Variants in OSBPL5 observed in about 807,000 individuals in gnomAD.
OSBPL5 encodes the protein oxysterol binding protein like 5, also known as oxysterol-binding protein-related protein 5.
Under a neutral mutation model 111.2 loss-of-function variants are expected in OSBPL5, and 71 were observed. The observed-to-expected ratio is 0.64, with a 90% CI of 0.53 to 0.78. OSBPL5 has a LOEUF of 0.78. Among genes scored for constraint, OSBPL5 ranks in the 30% least tolerant of loss-of-function variants. The probability of loss-of-function intolerance (pLI) is 0.00; values close to 1 mark genes in which losing one functional copy is unlikely to be tolerated. For missense variants in OSBPL5, 1,210 were observed against 1,189.3 expected (o/e 1.02, Z -0.26); for synonymous variants, 549 against 513.9 (o/e 1.07, Z -0.93).
At position 3,119,632 on chromosome 11, in the gene OSBPL5, C is replaced by G. The variant is rs767106638; in HGVS notation, c.607-1G>C. The G allele has an allele frequency of 1.3e-6, 2 of 1,578,688 alleles. No homozygotes were observed. Among genetic ancestry groups the G allele is most frequent in the African/African-American group, 2.8e-5 (2 of 71,908 alleles). ...AGCCCACGCTCTCACCTTTGGGGCC[C>G]TGGAGAGAGAGAGATCTGGGTGTCA... On this transcript the variant is annotated splice_acceptor_variant, in intron 6 of 21. Transcript: ENST00000263650. LOFTEE classifies it high-confidence loss of function.
At position 3,140,710 on chromosome 11, in the gene OSBPL5, G is replaced by A. The variant is rs1846082513; in HGVS notation, c.-21-11541C>T. Among the ~76,000 whole-genome samples, 1 of 152,172 alleles carries A rather than the reference G, an allele frequency of 6.6e-6. No individual in the cohort carries two copies. The highest frequency in any genetic ancestry group is 2.4e-5 in the African/African-American group (1 of 41,434). On this transcript the variant is annotated intron_variant, in intron 1 of 21. Transcript: ENST00000263650. This position sits in a 1 kb window ranked among gnomAD's most constrained non-coding sequence, Gnocchi z 4.5. ...TAGGAGCCTTGTTTCCAAGACCAGA[G>A]AGGTCATAAGGTCACCTGCTGCCCA...
rs1339304273 is a variant in OSBPL5 at position 3,162,214 on chromosome 11, T to C, written c.-22+3002A>G. The stretch of plus-strand genomic sequence containing the variant: ...GCCTACTAGGTAGCTGATGTGGAGC[T>C]CCAGGCAAGAGCTGGTAGGGCCAGG... On this transcript the variant is annotated intron_variant, in intron 1 of 21. Transcript: ENST00000263650. The surrounding 1 kb of genome is among the most constrained non-coding windows in gnomAD (Gnocchi z 8.1). 6.6e-6 allele frequency among the ~76,000 whole-genome samples: 1 copy of C among 151,796 alleles called. No individual in the cohort carries two copies. Among genetic ancestry groups the C allele is most frequent in the African/African-American group, 2.4e-5 (1 of 41,282 alleles).
At chr11:3,093,077 G>C (rs12362578) in intron 17 of OSBPL5, 25 bp from the exon 18 acceptor site, 196,124 of 1,523,250 alleles carry the variant, frequency 0.13, 13,638 homozygotes, top group Non-Finnish European at 0.15. Context: ...CCCATCCTGA[G>C]CCAGTGGCCC....
In OSBPL5 at chr11:3,094,217, C is replaced by T; in HGVS notation, c.1719+20G>A. 1.2e-6 allele frequency: 2 copies of T among 1,610,416 alleles called. No individual in the cohort carries two copies. The highest frequency in any genetic ancestry group is 1.7e-6 in the Non-Finnish European group (2 of 1,178,062). On this transcript the variant is annotated intron_variant, in intron 15 of 21. Transcript: ENST00000263650. ...GTTCCTTCCCTGGCCTCGTCTCCCC[C>T]AGGCTGCAGCCAGCGCTACCTTGAG...
chr11:3,113,344 A>G lies in OSBPL5; in HGVS notation c.692-5399T>C, dbSNP rs1858077324. ...AATTTGGCATAGGAGTTACGAAACT[A>G]TAAACCCAGCCCAAGACAGAATGAT... On this transcript the variant is annotated intron_variant, in intron 7 of 21. Transcript: ENST00000263650. This position sits in a 1 kb window ranked among gnomAD's most constrained non-coding sequence, Gnocchi z 4.8. Among the ~76,000 whole-genome samples the G allele has an allele frequency of 6.6e-6, 1 of 152,224 alleles. No homozygotes were observed.
At chr11:3,128,792 C>A (rs886742720) in intron 2 of OSBPL5, among the ~76,000 whole-genome samples, 1 of 152,004 alleles carries the variant, frequency 6.6e-6, no homozygotes, top group Non-Finnish European at 1.5e-5. Flanking sequence ...GTGGGAACCC[C>A]CTCCTCAACC....
chr11:3,088,237 A>G lies in OSBPL5; in HGVS notation c.2608T>C (p.Cys870Arg). ...SWFLLCVFLA[C>R]QLFINHILK ...AGGATGTGGTTAATGAACAGCTGAC[A>G]CGCCAGGAACACGCAGAGCAGGAAC... The change falls in exon 22 of 22, where the codon TGT (cysteine) becomes CGT (arginine). Residue 870 changes from cysteine (C) to arginine (R), a missense_variant. Cys to Arg is a radical substitution (Grantham distance 180, BLOSUM62 -3). Transcript: ENST00000263650. The G allele has an allele frequency of 6.2e-7, 1 of 1,604,414 alleles. No homozygotes were observed. Among genetic ancestry groups the G allele is most frequent in the Non-Finnish European group, 8.5e-7 (1 of 1,175,248 alleles).
chr11:3,103,158 C>T, intron 11 of OSBPL5, 81 bp downstream of exon 11: 1 of 1,306,368 alleles, frequency 7.7e-7, no homozygotes. Flanking sequence ...CCCGGGGACT[C>T]AGGGAAGTGC....
chr11:3,122,416 G>T lies in OSBPL5; in HGVS notation c.232C>A (p.Leu78Met). 1.2e-6 allele frequency: 2 copies of T among 1,613,808 alleles called. No homozygotes were observed. The highest frequency in any genetic ancestry group is 1.7e-6 in the Non-Finnish European group (2 of 1,179,940). The part of the protein sequence containing the change: ...ATKVPPAEYR[L>M]CNGSDKECVS... ...CATTCCTTGTCTGACCCGTTGCACAGCCTGTACTCTGCCTGAAAGAGAGAG... is the reference window on the plus strand; with the variant it reads ...CATTCCTTGTCTGACCCGTTGCACATCCTGTACTCTGCCTGAAAGAGAGAG... Residue 78 changes from leucine (L) to methionine (M), a missense_variant, in exon 4 of 22, where the codon CTG becomes ATG. Leu to Met is a conservative substitution (Grantham distance 15). Coordinates refer to ENST00000263650, the MANE Select transcript of OSBPL5 (RefSeq NM_020896.4).
At chr11:3,137,230 C>A (rs1481575628) in intron 1 of OSBPL5, among the ~76,000 whole-genome samples, 2 of 152,244 alleles carry the variant, frequency 1.3e-5, no homozygotes, top group Non-Finnish European at 2.9e-5. Context: ...GCATAAGAGA[C>A]CAGGCTGCTG....
chr11:3,089,242 C>A (rs11825366), intron 21 of OSBPL5, among the ~76,000 whole-genome samples: 7 of 152,350 alleles, frequency 4.6e-5, no homozygotes, highest in African/African-American at 1.7e-4. Flanking sequence ...TGCTATCAAG[C>A]CCACTTTACA....
At chr11:3,093,280 CCTGTT>C in intron 17 of OSBPL5, 1 of 750,320 alleles carries the variant, frequency 1.3e-6, no homozygotes, top group Non-Finnish European at 2.1e-6. Context: ...TCCCTGTGCA[CCTGTT>C]GGTCACTCGC....
At chr11:3,145,880 C>G (rs111253314) in intron 1 of OSBPL5, among the ~76,000 whole-genome samples, 6,804 of 152,284 alleles carry the variant, frequency 0.045, 183 homozygotes, top group Admixed American at 0.083. Flanking sequence ...AGGAAAGTCA[C>G]AACTCCACGA....
At chr11:3,094,551 G>GCACGGAGCC (rs1857190107) in intron 14 of OSBPL5, 11 of 533,116 alleles carry the variant, frequency 2.1e-5, no homozygotes, top group Non-Finnish European at 3.7e-5. Flanking sequence ...AGCCTGGGAG[G>GCACGGAGCC]TGCGGAGCCT....
chr11:3,125,411 T>C (rs1858576323), intron 3 of OSBPL5, among the ~76,000 whole-genome samples: 1 of 152,090 alleles, frequency 6.6e-6, no homozygotes, highest in African/African-American at 2.4e-5. Context: ...AAACAGGACA[T>C]ACAAATGGCT....
chr11:3,115,012 C>T (rs1448395604), intron 7 of OSBPL5, among the ~76,000 whole-genome samples: 1 of 152,184 alleles, frequency 6.6e-6, no homozygotes, highest in Non-Finnish European at 1.5e-5. Flanking sequence ...TCAGTTTTCT[C>T]TTCCCTCTTA....
intron 11 of OSBPL5, among the ~76,000 whole-genome samples, chr11:3,102,797 C>T (rs1265325004): frequency 6.6e-6 from 1 of 152,198 alleles, no homozygotes; most frequent in Non-Finnish European, 1.5e-5. Flanking sequence ...CTCTTGCTCA[C>T]TACAACGAGA....
At chr11:3,091,529 T>G (rs916771705) in intron 19 of OSBPL5, among the ~76,000 whole-genome samples, 1 of 150,148 alleles carries the variant, frequency 6.7e-6, no homozygotes, top group African/African-American at 2.5e-5. Context: ...GCATTGGGGG[T>G]GGACATCTGC....
chr11:3,146,005 G>A lies in OSBPL5; in HGVS notation c.-21-16836C>T, dbSNP rs776159522. On this transcript the variant is annotated intron_variant, in intron 1 of 21. Coordinates refer to ENST00000263650, the MANE Select transcript of OSBPL5 (RefSeq NM_020896.4). The surrounding 1 kb of genome is among the most constrained non-coding windows in gnomAD (Gnocchi z 7.8). ...CACCCTCAGCTGCCGTTCCACTTGCGGATGGGAGGATTCACCTGGGGGCCC... is the reference window on the plus strand; with the variant it reads ...CACCCTCAGCTGCCGTTCCACTTGCAGATGGGAGGATTCACCTGGGGGCCC... 1.3e-5 allele frequency among the ~76,000 whole-genome samples: 2 copies of A among 152,116 alleles called. No homozygotes were observed. The highest frequency in any genetic ancestry group is 1.9e-4 in the East Asian group (1 of 5,186).
Sources: gnomAD v4.1 joint callset for allele counts (sites outside exome capture counted in the v4.1 genomes callset) on GRCh38, gnomAD v4.1.1 for gene constraint, Gnocchi (gnomAD v3.1) non-coding constraint, MANE v1.5 for transcripts, NCBI Gene and HGNC (gene_info 2026-07-23, HGNC 2026-07-21) for gene names.